The following NEDD4 variants were observed in gnomAD, a reference collection of about 807,000 sequenced individuals.
NEDD4 encodes NEDD4 E3 ubiquitin protein ligase, also known as E3 ubiquitin-protein ligase NEDD4.
NEDD4 carries 99 observed loss-of-function variants against 144.9 expected under a neutral mutation model. That is an observed-to-expected ratio of 0.68 (90% CI 0.58 to 0.81). The LOEUF (loss-of-function observed/expected upper bound fraction) is 0.81, where lower values mean the gene tolerates loss of function less well. NEDD4 is among the 30% of genes least tolerant of loss of function. The pLI is 0.00. For synonymous variants in NEDD4, 318 were observed against 350.6 expected, an observed-to-expected ratio of 0.91 and a Z score of 1.04; for missense variants, 985 against 1,065.9, an observed-to-expected ratio of 0.92 and a Z score of 1.06.
At chr15:55,858,178 C>T (rs1253947450) in intron 11 of NEDD4, among the ~76,000 whole-genome samples, 1 of 152,058 alleles carries the variant, frequency 6.6e-6, no homozygotes, top group Non-Finnish European at 1.5e-5. Flanking sequence ...CTCGAGCCCA[C>T]CTTGTTCTCT....
In NEDD4 at chr15:55,834,357, T is replaced by A. The variant is rs1051037975; in HGVS notation, c.2263-71A>T. ...CCTTTCCTATGCCTCAGCTTCTGGA[T>A]GCTACTGGAGGAATCCCACATCCAC... On this transcript the variant is annotated intron_variant, in intron 24 of 28. Transcript: ENST00000435532. 17 of 941,410 alleles carry A rather than the reference T, an allele frequency of 1.8e-5. No individual in the cohort carries two copies. The African/African-American group carries it at 2.6e-4, about 14-fold the overall frequency. The allele number at this position is 941,410 out of a possible 1,614,324, so 58.3% of individuals were successfully genotyped here. A position where few individuals can be genotyped will look rare whatever the true frequency, so the allele number is the denominator to read the frequency against.
rs774200630 is a variant in NEDD4, at chr15:55,842,089, C to A, written c.1683G>T (p.Met561Ile). ...TVLEDSYRRIMGVKRADFLKA... is the reference protein window; with the variant it reads ...TVLEDSYRRIIGVKRADFLKA... ...TCAGGAAGTCTGCTCTCTTGACACC[C>A]ATAATTCTCCGGTAAGAGTCTTCAA... is the stretch of plus-strand genomic sequence containing the variant. Residue 561 changes from methionine to isoleucine, a missense_variant, in exon 19 of 29, where the codon ATG becomes ATT. Coordinates refer to ENST00000435532, the MANE Select transcript of NEDD4 (RefSeq NM_006154.4). 1 of 1,614,064 alleles carries A rather than the reference C, an allele frequency of 6.2e-7. No homozygotes were observed. Among genetic ancestry groups the A allele is most frequent in the African/African-American group, 1.3e-5 (1 of 74,926 alleles).
At chr15:55,880,291 C>G (rs2035139733) in intron 5 of NEDD4, among the ~76,000 whole-genome samples, 1 of 150,096 alleles carries the variant, frequency 6.7e-6, no homozygotes, top group African/African-American at 2.5e-5. Flanking sequence ...GACCCCGTCT[C>G]CAAAAAAAAA....
At chr15:55,902,243 A>T (rs2035935555) in intron 5 of NEDD4, among the ~76,000 whole-genome samples, 1 of 152,212 alleles carries the variant, frequency 6.6e-6, no homozygotes, top group African/African-American at 2.4e-5. Context: ...TCCCAAAGAG[A>T]TGTGAATATC....
chr15:55,925,480 C>A (rs976584419), intron 4 of NEDD4, among the ~76,000 whole-genome samples: 4 of 152,102 alleles, frequency 2.6e-5, no homozygotes, highest in Admixed American at 2.6e-4. Context: ...ACATAGCAGT[C>A]AAAAGTATAC....
rs147470936 is a variant in NEDD4 at position 55,931,016 on chromosome 15, T to C, written c.238-6317A>G. 2.6e-5 allele frequency among the ~76,000 whole-genome samples: 4 copies of C among 152,276 alleles called. No homozygotes were observed. In the East Asian group the frequency reaches 7.7e-4, roughly 29 times the overall value. On this transcript the variant is annotated intron_variant, in intron 4 of 28. Transcript: ENST00000435532. ...TTAAAAACTGTACATACAAGGCATA[T>C]AACTGTGAAATTTTAAAACACGGGC...
chr15:55,886,473 A>G (rs900356009), intron 5 of NEDD4, among the ~76,000 whole-genome samples: 2 of 152,218 alleles, frequency 1.3e-5, no homozygotes, highest in African/African-American at 4.8e-5. Flanking sequence ...AACGTTTTAA[A>G]AAATTGAAAT....
At chr15:55,947,712 C>T (rs562278529) in intron 4 of NEDD4, among the ~76,000 whole-genome samples, 1 of 152,304 alleles carries the variant, frequency 6.6e-6, no homozygotes, top group East Asian at 1.9e-4. Flanking sequence ...ATATGATTAT[C>T]TCAATAGATG....
At chr15:55,985,420 G>A (rs1034770448) in intron 1 of NEDD4, among the ~76,000 whole-genome samples, 8 of 152,188 alleles carry the variant, frequency 5.3e-5, no homozygotes, top group African/African-American at 1.9e-4. Flanking sequence ...TACTGAGGAG[G>A]GGAGGACGGC....
At chr15:55,949,802 G>T (rs576503306) in intron 4 of NEDD4, among the ~76,000 whole-genome samples, 3 of 152,120 alleles carry the variant, frequency 2.0e-5, no homozygotes, top group Admixed American at 6.6e-5. Flanking sequence ...GGCCTGTCAT[G>T]GGGTGGGGGA....
chr15:55,898,107 C>T (rs2035795423), intron 5 of NEDD4, among the ~76,000 whole-genome samples: 1 of 152,188 alleles, frequency 6.6e-6, no homozygotes, highest in Non-Finnish European at 1.5e-5. Context: ...GATAAAACTA[C>T]CCCACTTAAT....
At chr15:55,869,442 C>T in intron 8 of NEDD4, 137 bp downstream of exon 8, 2 of 585,704 alleles carry the variant, frequency 3.4e-6, no homozygotes, top group South Asian at 4.9e-5. Flanking sequence ...ACTATTAATG[C>T]TTGGGTGAAA....
At chr15:55,972,690 T>C (rs1226910125) in intron 1 of NEDD4, among the ~76,000 whole-genome samples, 7 of 152,060 alleles carry the variant, frequency 4.6e-5, no homozygotes, top group African/African-American at 1.4e-4. Context: ...TCAAAAGACA[T>C]AGAGTGGTTG....
intron 5 of NEDD4, among the ~76,000 whole-genome samples, chr15:55,907,061 C>T (rs2036125334): frequency 2.0e-5 from 3 of 151,698 alleles, no homozygotes; most frequent in South Asian, 4.2e-4. Context: ...CGGCACTGCA[C>T]TCCAGCCTGG....
intron 11 of NEDD4, among the ~76,000 whole-genome samples, chr15:55,857,339 A>T (rs1359533468): frequency 1.3e-5 from 2 of 151,906 alleles, no homozygotes; most frequent in South Asian, 2.1e-4. Flanking sequence ...TTATTTATTT[A>T]TTTTTTTGAG....
intron 4 of NEDD4, among the ~76,000 whole-genome samples, chr15:55,929,624 T>A (rs1327700001): frequency 1.3e-5 from 2 of 152,130 alleles, no homozygotes; most frequent in Admixed American, 1.3e-4. Context: ...TTTTAATATA[T>A]AAAATATAAA....
intron 2 of NEDD4, among the ~76,000 whole-genome samples, chr15:55,955,564 ATCTG>A (rs1484438481): frequency 1.3e-5 from 2 of 152,194 alleles, no homozygotes; most frequent in South Asian, 2.1e-4. Context: ...AACATGCAGT[ATCTG>A]TCTTTCTGTG....
chr15:55,843,576 A>G (rs768023523), intron 18 of NEDD4, among the ~76,000 whole-genome samples: 1 of 152,222 alleles, frequency 6.6e-6, no homozygotes, highest in African/African-American at 2.4e-5. Context: ...GTAAGAGAAA[A>G]CATGCCATCA....
At chr15:55,837,432 CAAAA>C (rs66970830) in intron 24 of NEDD4, among the ~76,000 whole-genome samples, 19 of 126,236 alleles carry the variant, frequency 1.5e-4, no homozygotes, top group Admixed American at 3.2e-4. Context: ...ACTCCGCGCT[CAAAA>C]AAAAAAAAAA....
Sources: gnomAD v4.1 joint callset for allele counts (sites outside exome capture counted in the v4.1 genomes callset) on GRCh38, gnomAD v4.1.1 for gene constraint, MANE v1.5 for transcripts, NCBI Gene and HGNC (gene_info 2026-07-23, HGNC 2026-07-21) for gene names.